The following CPXM2 variants were observed in gnomAD, a reference collection of about 807,000 sequenced individuals.
The protein encoded by CPXM2 is inactive carboxypeptidase-like protein X2.
In CPXM2, 66 loss-of-function variants were observed where a neutral mutation model predicts 86.1. The ratio of observed to expected loss-of-function variants is 0.77; its 90% CI spans 0.63 to 0.94. The LOEUF (loss-of-function observed/expected upper bound fraction) is 0.94, where lower values mean the gene tolerates loss of function less well. CPXM2 is among the 40% of genes least tolerant of loss of function. The pLI is 0.00. For missense variants in CPXM2, 948 were observed against 1,026.3 expected (o/e 0.92, Z 1.04); for synonymous variants, 388 against 400.2 (o/e 0.97, Z 0.36).
chr10:123,870,326 A>G (rs907059653), intron 2 of CPXM2, among the ~76,000 whole-genome samples: 11 of 152,212 alleles, frequency 7.2e-5, no homozygotes, highest in Non-Finnish European at 1.6e-4. Context: ...AGCTGGAGCC[A>G]AGACAGGCAT....
intron 6 of CPXM2, among the ~76,000 whole-genome samples, chr10:123,793,462 CAAAAAAAAAAAAAAAA>C (rs34757620): frequency 0.018 from 1,045 of 59,322 alleles, 44 homozygotes; most frequent in Admixed American, 0.15. Flanking sequence ...GACTCCGTCT[CAAAAAAAAAAAAAAAA>C]AAAAAAAAAA....
rs550684785 is a variant in CPXM2, at chr10:123,879,084, C to A, written c.403+1127G>T. Among the ~76,000 whole-genome samples, 110 of 152,340 alleles carry A rather than the reference C, an allele frequency of 7.2e-4. No homozygotes were observed. The South Asian group carries it at 0.021, about 29-fold the overall frequency. ...CCTGCCCACTTTAAGAAGGAATATA[C>A]TTTACATTTGGTAAGTGACCACAGA... On this transcript the variant is annotated intron_variant, in intron 2 of 13. Coordinates refer to ENST00000241305, the MANE Select transcript of CPXM2 (RefSeq NM_198148.3).
chr10:123,880,331 C>G (rs770927444), intron 1 of CPXM2, 22 bp from the exon 2 acceptor site: 1 of 1,043,366 alleles, frequency 9.6e-7, no homozygotes, highest in Admixed American at 1.7e-5. Flanking sequence ...GAGAGAGATG[C>G]CTTTACTTTC....
chr10:123,759,633 C>T (rs1161880152), intron 11 of CPXM2, among the ~76,000 whole-genome samples: 6 of 152,218 alleles, frequency 3.9e-5, no homozygotes, highest in East Asian at 1.9e-4. Context: ...CACAAGCCTT[C>T]GGCCCTAGCT....
rs537804888 is a variant in CPXM2 at position 123,868,318 on chromosome 10, C to T, written c.404-5595G>A. ...CCCCAGCCACCATGGGGAACTGCTGCTAACACCGTAACCCCTAGGCAGCTT... is the reference window on the plus strand; with the variant it reads ...CCCCAGCCACCATGGGGAACTGCTGTTAACACCGTAACCCCTAGGCAGCTT... On this transcript the variant is annotated intron_variant, in intron 2 of 13. Transcript: ENST00000241305. Among the ~76,000 whole-genome samples, 31 of 152,314 alleles carry T rather than the reference C, an allele frequency of 2.0e-4. No individual in the cohort carries two copies. The South Asian group carries it at 3.5e-3, about 17-fold the overall frequency.
At chr10:123,880,041 G>T (rs990776889) in intron 2 of CPXM2, among the ~76,000 whole-genome samples, 170 bp downstream of exon 2, 14 of 152,200 alleles carry the variant, frequency 9.2e-5, no homozygotes, top group Non-Finnish European at 1.9e-4. Context: ...TGCAGAAGCT[G>T]CCGTGAATGT....
intron 6 of CPXM2, among the ~76,000 whole-genome samples, chr10:123,793,345 T>C (rs1456862708): frequency 3.3e-5 from 5 of 151,086 alleles, no homozygotes; most frequent in South Asian, 4.2e-4. Flanking sequence ...GGGCCTGTAG[T>C]CCCAGCTACC....
chr10:123,906,312 G>T (rs1041171870), intron 2 of CPXM2, among the ~76,000 whole-genome samples: 1 of 152,200 alleles, frequency 6.6e-6, no homozygotes, highest in African/African-American at 2.4e-5. Context: ...GAACCAAGGT[G>T]CTTCACAAAA....
intron 2 of CPXM2, among the ~76,000 whole-genome samples, chr10:123,933,700 A>G (rs570255069): frequency 6.6e-6 from 1 of 152,266 alleles, no homozygotes; most frequent in East Asian, 1.9e-4. Context: ...CCTGGGCAAC[A>G]GAGCGAGACC....
At chr10:123,930,945 G>A (rs745713443) in intron 2 of CPXM2, among the ~76,000 whole-genome samples, 16 of 152,320 alleles carry the variant, frequency 1.1e-4, no homozygotes, top group East Asian at 1.9e-4. Flanking sequence ...AGGGCAGGCC[G>A]GGGAAACTTA....
intron 4 of CPXM2, among the ~76,000 whole-genome samples, chr10:123,840,708 T>G (rs1157569047): frequency 1.3e-5 from 2 of 152,146 alleles, no homozygotes; most frequent in African/African-American, 4.8e-5. Context: ...GTTTTAAAAT[T>G]TTGCTGGATG....
intron 2 of CPXM2, among the ~76,000 whole-genome samples, chr10:123,909,325 CTA>C (rs1945469580): frequency 6.6e-6 from 1 of 152,196 alleles, no homozygotes; most frequent in East Asian, 1.9e-4. Context: ...CTCCTGAATC[CTA>C]TGTTTCTATA....
intron 2 of CPXM2, among the ~76,000 whole-genome samples, chr10:123,938,170 T>A (rs186909136): frequency 2.1e-3 from 326 of 152,286 alleles, no homozygotes; most frequent in Non-Finnish European, 3.7e-3. Flanking sequence ...GTGCACACAA[T>A]CACTAGGAGG....
intron 3 of CPXM2, among the ~76,000 whole-genome samples, chr10:123,861,573 T>C (rs1213910098): frequency 6.6e-6 from 1 of 152,062 alleles, no homozygotes; most frequent in Non-Finnish European, 1.5e-5. Context: ...GCTATCCAGG[T>C]GGGCCCGGTG....
At chr10:123,859,105 TC>T (rs1025849008) in intron 3 of CPXM2, among the ~76,000 whole-genome samples, 58 of 152,206 alleles carry the variant, frequency 3.8e-4, no homozygotes, top group African/African-American at 9.6e-4. Flanking sequence ...GCCTATAGAG[TC>T]CTAGGCCGGC....
chr10:123,862,713 A>T lies in CPXM2; in HGVS notation c.414T>A (p.Pro138=). ...TGATTTTTAAGGTTTCCAGACCAAG[A>T]GGTGGGCAACCTGGAAAGGACAAAT... ...AREDVRESCP[P]LGLETLKITD... Residue 138 remains proline (P), a synonymous_variant, in exon 3 of 14, where the codon CCT becomes CCA. Transcript: ENST00000241305. 6.3e-7 allele frequency: 1 copy of T among 1,576,486 alleles called. No homozygotes were observed. Among genetic ancestry groups the T allele is most frequent in the Non-Finnish European group, 8.6e-7 (1 of 1,168,714 alleles).
chr10:123,772,610 C>G (rs1165584921), intron 7 of CPXM2, among the ~76,000 whole-genome samples: 1 of 151,970 alleles, frequency 6.6e-6, no homozygotes, highest in Admixed American at 6.5e-5. Flanking sequence ...CATCACTCCC[C>G]TGGTCATGGT....
intron 1 of CPXM2, among the ~76,000 whole-genome samples, chr10:123,883,007 C>T (rs984931895): frequency 3.3e-5 from 5 of 151,916 alleles, no homozygotes; most frequent in African/African-American, 7.3e-5. Context: ...CTGGACTGCC[C>T]GCAATACCAT....
chr10:123,817,401 C>G (rs1026244562), intron 4 of CPXM2, among the ~76,000 whole-genome samples: 14 of 152,164 alleles, frequency 9.2e-5, no homozygotes, highest in Non-Finnish European at 1.9e-4. Flanking sequence ...CAAGGCCCTG[C>G]CATCTTCTGC....
Sources: gnomAD v4.1 joint callset for allele counts (sites outside exome capture counted in the v4.1 genomes callset) on GRCh38, gnomAD v4.1.1 for gene constraint, MANE v1.5 for transcripts, NCBI Gene and HGNC (gene_info 2026-07-23, HGNC 2026-07-21) for gene names.